Variants in UBXN2A observed in about 807,000 individuals in gnomAD.
UBXN2A encodes the protein UBX domain protein 2A, also known as UBX domain-containing protein 2A.
Under a neutral mutation model 28.4 loss-of-function variants are expected in UBXN2A, and 28 were observed. That is an observed-to-expected ratio of 0.99 (90% CI 0.73 to 1.35). The LOEUF (loss-of-function observed/expected upper bound fraction) is 1.35. Among genes scored for constraint, UBXN2A ranks in the 40% most tolerant of loss-of-function variants. The probability of loss-of-function intolerance (pLI) is 0.00; values close to 1 mark genes in which losing one functional copy is unlikely to be tolerated. For synonymous variants in UBXN2A, 97 were observed against 103.6 expected (o/e 0.94, Z 0.39); for missense variants, 253 against 297.9 (o/e 0.85, Z 1.11).
intron 6 of UBXN2A, among the ~76,000 whole-genome samples, chr2:23,995,554 G>A (rs763962745): frequency 7.9e-5 from 12 of 151,768 alleles, no homozygotes; most frequent in Admixed American, 1.3e-4. Flanking sequence ...TTAGCCAGGC[G>A]TGGTAGCGGG....
At chr2:23,953,365 T>A (rs571102127) in intron 1 of UBXN2A, among the ~76,000 whole-genome samples, 5 of 152,288 alleles carry the variant, frequency 3.3e-5, no homozygotes, top group Admixed American at 1.3e-4. Flanking sequence ...CCATTTTGAT[T>A]TTAATTATAT....
chr2:23,960,310 C>T (rs1706843286), intron 2 of UBXN2A, among the ~76,000 whole-genome samples: 1 of 151,946 alleles, frequency 6.6e-6, no homozygotes, highest in African/African-American at 2.4e-5. Context: ...CCAGGACCAG[C>T]CTTGTAAGCA....
intron 6 of UBXN2A, among the ~76,000 whole-genome samples, chr2:23,998,682 C>T (rs144239672): frequency 3.7e-4 from 56 of 152,254 alleles, no homozygotes; most frequent in African/African-American, 1.3e-3. Context: ...GATCACGCCG[C>T]TGCATTCCAG....
At chr2:23,984,884 T>G (rs1573597065) in intron 6 of UBXN2A, 53 bp downstream of exon 6, 2 of 1,520,410 alleles carry the variant, frequency 1.3e-6, no homozygotes, top group African/African-American at 1.5e-5. Context: ...AAAATTTCAT[T>G]TTTTCTTTTT....
At chr2:23,982,158 G>A (rs1006011177) in intron 4 of UBXN2A, among the ~76,000 whole-genome samples, 12 of 149,222 alleles carry the variant, frequency 8.0e-5, no homozygotes, top group African/African-American at 3.0e-4. Context: ...AGGAGATCGA[G>A]ACCATCCTGG....
intron 1 of UBXN2A, among the ~76,000 whole-genome samples, chr2:23,929,576 G>T (rs1057495731): frequency 1.3e-5 from 2 of 151,900 alleles, no homozygotes; most frequent in African/African-American, 4.8e-5. Context: ...AGCCAGGCAT[G>T]GTGGCAGACA....
intron 6 of UBXN2A, among the ~76,000 whole-genome samples, chr2:23,991,967 G>T (rs1463668024): frequency 6.6e-6 from 1 of 150,776 alleles, no homozygotes; most frequent in African/African-American, 2.4e-5. Flanking sequence ...AATTTTTGGG[G>T]TTTTTTGTTT....
rs142314167 is a variant in UBXN2A, at chr2:23,929,106, A to G, written c.-138+1491A>G. 1.3e-3 allele frequency among the ~76,000 whole-genome samples: 192 copies of G among 152,024 alleles called. 3 individuals carry two copies. The East Asian group carries it at 0.033, about 26-fold the overall frequency. ...AGTTGGAAACCAGCCTGGGCAACATAGTGAGATCCTCTCCCTGCCAAAAAG... is the reference window on the plus strand; with the variant it reads ...AGTTGGAAACCAGCCTGGGCAACATGGTGAGATCCTCTCCCTGCCAAAAAG... On this transcript the variant is annotated intron_variant, in intron 1 of 7. Transcript: ENST00000404924.
Position 23,966,489 on chromosome 2 carries a change from GT to G in UBXN2A, c.42-4785del, listed in dbSNP as rs1215936496. On this transcript the variant is annotated intron_variant, in intron 2 of 6. Transcript: ENST00000309033. The stretch of plus-strand genomic sequence containing the variant: ...TTTTTTTGAGACAGAGTCTCGCTCT[GT>G]TGCCCAGGCTGGAGTGCGGTGGCGT... Among the ~76,000 whole-genome samples the G allele has an allele frequency of 1.6e-4, 22 of 135,122 alleles. 1 individual carries two copies. Among genetic ancestry groups the G allele is most frequent in the Non-Finnish European group, 1.1e-4 (7 of 64,054 alleles). 88.6% of individuals were successfully genotyped at this position (135,122 alleles called of 152,430 possible). A position where few individuals can be genotyped will look rare whatever the true frequency, so the allele number is the denominator to read the frequency against.
At chr2:23,987,635 G>T (rs564524428) in intron 6 of UBXN2A, among the ~76,000 whole-genome samples, 2 of 151,800 alleles carry the variant, frequency 1.3e-5, no homozygotes, top group South Asian at 4.2e-4. Flanking sequence ...AAAATTAGCC[G>T]GGCGTGGTGG....
At chr2:23,928,071 G>A (rs1367879570) in intron 1 of UBXN2A, among the ~76,000 whole-genome samples, 1 of 151,786 alleles carries the variant, frequency 6.6e-6, no homozygotes, top group Non-Finnish European at 1.5e-5. Context: ...AGCTGCTCGG[G>A]AAGCTGAGGC....
At chr2:23,946,540 C>G (rs1228953486) in intron 1 of UBXN2A, among the ~76,000 whole-genome samples, 1 of 151,622 alleles carries the variant, frequency 6.6e-6, no homozygotes, top group Non-Finnish European at 1.5e-5. Context: ...CCAGGATGGT[C>G]TCCATCTCCT....
chr2:23,942,097 A>G (rs958714320), intron 1 of UBXN2A, among the ~76,000 whole-genome samples: 31 of 152,160 alleles, frequency 2.0e-4, no homozygotes, highest in Non-Finnish European at 2.6e-4. Flanking sequence ...AAAATAAAAT[A>G]AATAATCACA....
chr2:23,976,424 G>A (rs1270376813), intron 3 of UBXN2A, among the ~76,000 whole-genome samples: 1 of 152,142 alleles, frequency 6.6e-6, no homozygotes, highest in Non-Finnish European at 1.5e-5. Context: ...GAAGCCAGTT[G>A]TAGTAGTCCA....
intron 1 of UBXN2A, among the ~76,000 whole-genome samples, chr2:23,943,328 G>A (rs1438469643): frequency 6.6e-6 from 1 of 152,104 alleles, no homozygotes; most frequent in Non-Finnish European, 1.5e-5. Context: ...ATGGAAATGA[G>A]GAGACCACCT....
At chr2:23,984,974 T>A in intron 6 of UBXN2A, 143 bp downstream of exon 6, 1 of 807,740 alleles carries the variant, frequency 1.2e-6, no homozygotes, top group African/African-American at 1.8e-5. Context: ...CAGTCATAGC[T>A]CACTGCAGTC....
At chr2:23,954,167 G>A (rs1210846166) in intron 1 of UBXN2A, among the ~76,000 whole-genome samples, 1 of 151,910 alleles carries the variant, frequency 6.6e-6, no homozygotes, top group Non-Finnish European at 1.5e-5. Context: ...TTAAGTAACT[G>A]GTCCTTCCCC....
In UBXN2A at chr2:23,952,965, TG is replaced by T. The variant is rs1259526149; in HGVS notation, c.-14-5335del. On this transcript the variant is annotated intron_variant, in intron 1 of 6. Transcript: ENST00000309033. Reference sequence around the variant, plus strand: ...CCAAATGTCATATGAAGCTCTTAGTTGTTTTTTTTTTTTTTAACAAAGTAAT... The same window carrying T: ...CCAAATGTCATATGAAGCTCTTAGTTTTTTTTTTTTTTTTAACAAAGTAAT... Among the ~76,000 whole-genome samples the T allele has an allele frequency of 8.6e-4, 21 of 24,456 alleles. 1 individual carries two copies. The South Asian group carries it at 0.047, about 54-fold the overall frequency. The allele number at this position is 24,456 out of a possible 152,430, so 16.0% of individuals were successfully genotyped here. A position where few individuals can be genotyped will look rare whatever the true frequency, so the allele number is the denominator to read the frequency against.
In UBXN2A at chr2:23,991,481, G is replaced by GTTTT. The variant is rs1708351290; in HGVS notation, c.584+6652_584+6655dup. ...TTTTCTGTCTTTTTTGTTTTGTTTT[G>GTTTT]TTTTTGAGATGGAGTCTCTCTCTGT... On this transcript the variant is annotated intron_variant, in intron 6 of 6. Transcript: ENST00000309033. Among the ~76,000 whole-genome samples, 6 of 149,014 alleles carry GTTTT rather than the reference G, an allele frequency of 4.0e-5. No individual in the cohort carries two copies. The South Asian group carries it at 1.3e-3, about 32-fold the overall frequency.
Sources: gnomAD v4.1 joint callset for allele counts (sites outside exome capture counted in the v4.1 genomes callset) on GRCh38, gnomAD v4.1.1 for gene constraint, MANE v1.5 for transcripts, NCBI Gene and HGNC (gene_info 2026-07-23, HGNC 2026-07-21) for gene names.